MYO16: variants seen among roughly 807,000 people sequenced by gnomAD.
MYO16 encodes myosin XVI, also known as unconventional myosin-XVI.
In MYO16, 94 loss-of-function variants were observed where a neutral mutation model predicts 205.3. The observed-to-expected ratio is 0.46, with a 90% CI of 0.39 to 0.54. The LOEUF is 0.54. Among genes scored for constraint, MYO16 ranks in the 20% least tolerant of loss-of-function variants. MYO16 has a pLI of 0.00. For synonymous variants in MYO16, 988 were observed against 954.0 expected (o/e 1.04, Z -0.66); for missense variants, 2,315 against 2,387.5 (o/e 0.97, Z 0.63).
At chr13:109,118,960 T>G (rs1875854348) in intron 28 of MYO16, among the ~76,000 whole-genome samples, 2 of 152,184 alleles carry the variant, frequency 1.3e-5, no homozygotes, top group Admixed American at 1.3e-4. Flanking sequence ...GGCTTTGAAG[T>G]AGACCAGTAG....
At chr13:109,173,427 G>A (rs1222529801) in intron 33 of MYO16, among the ~76,000 whole-genome samples, 1 of 152,194 alleles carries the variant, frequency 6.6e-6, no homozygotes, top group Non-Finnish European at 1.5e-5. Context: ...CATAGAGAAG[G>A]TTGGGATTTT....
chr13:108,535,699 G>A, the MYO16 span, among the ~76,000 whole-genome samples: 1 of 152,128 alleles, frequency 6.6e-6, no homozygotes, highest in African/African-American at 2.4e-5. Context: ...AAAAAGTAAT[G>A]GAATATGTAG....
intron 29 of MYO16, among the ~76,000 whole-genome samples, chr13:109,121,556 T>C (rs954819509): frequency 1.3e-5 from 2 of 152,232 alleles, no homozygotes; most frequent in Non-Finnish European, 2.9e-5. Flanking sequence ...TGGAGTCTCA[T>C]TGTTCTCTCA....
chr13:109,032,167 A>T (rs1453215216), intron 23 of MYO16, among the ~76,000 whole-genome samples: 1 of 152,074 alleles, frequency 6.6e-6, no homozygotes, highest in Admixed American at 6.6e-5. Context: ...TTTGGGGTTG[A>T]TTCCACATAG....
chr13:108,523,614 G>T, the MYO16 span, among the ~76,000 whole-genome samples: 1 of 152,114 alleles, frequency 6.6e-6, no homozygotes, highest in Non-Finnish European at 1.5e-5. Flanking sequence ...AACCTGGCCT[G>T]AGCCTCCCTT....
chr13:108,879,784 C>T (rs938439422), intron 12 of MYO16, among the ~76,000 whole-genome samples: 2 of 152,160 alleles, frequency 1.3e-5, no homozygotes, highest in Admixed American at 1.3e-4. Flanking sequence ...GGGTTGATTC[C>T]AAGTCTTTGC....
chr13:108,940,946 T>C (rs1882698469), intron 16 of MYO16, among the ~76,000 whole-genome samples: 3 of 152,192 alleles, frequency 2.0e-5, no homozygotes, highest in Admixed American at 2.0e-4. Flanking sequence ...AAAATTTGCT[T>C]TGAGTCAAGG....
chr13:108,613,501 C>A (rs1304790410), intron 1 of MYO16, among the ~76,000 whole-genome samples: 1 of 152,058 alleles, frequency 6.6e-6, no homozygotes, highest in Non-Finnish European at 1.5e-5. Flanking sequence ...AGGAACACTT[C>A]CCAATCACTC....
At chr13:108,834,929 G>A (rs936811333) in intron 9 of MYO16, among the ~76,000 whole-genome samples, 1 of 151,766 alleles carries the variant, frequency 6.6e-6, no homozygotes, top group African/African-American at 2.4e-5. Flanking sequence ...AGATAAAAAT[G>A]TTTTATTGTT....
intron 22 of MYO16, among the ~76,000 whole-genome samples, chr13:109,013,208 C>T (rs1885676773): frequency 6.8e-6 from 1 of 147,422 alleles, no homozygotes; most frequent in African/African-American, 2.5e-5. Context: ...TGAGTGAGAA[C>T]ATGCGGTGTT....
rs1244314191 is a variant in MYO16 at position 108,665,930 on chromosome 13, A to C, written c.73A>C (p.Ile25Leu). The C allele has an allele frequency of 1.2e-6, 2 of 1,613,984 alleles. No individual in the cohort carries two copies. Among genetic ancestry groups the C allele is most frequent in the Non-Finnish European group, 1.7e-6 (2 of 1,179,976 alleles). The change falls in exon 2 of 35, where the codon ATC (isoleucine) becomes CTC (leucine). Residue 25 changes from isoleucine (I) to leucine (L), a missense_variant. By Grantham distance (5) the Ile-to-Leu change is conservative. Around this residue, in one of 3 missense-constraint regions of MYO16, gnomAD observed 1,213 missense variants for 1,274.4 expected, o/e 0.95. Coordinates refer to ENST00000457511, the MANE Select transcript of MYO16 (RefSeq NM_001198950.3). ...CNVFRSHEME[I>L]DQCLLESLPL... ...CGTTTTTCGATCCCATGAGATGGAA[A>C]TCGACCAGTGCTTGCTAGAGTCCCT... is the stretch of plus-strand genomic sequence containing the variant.
At chr13:108,638,560 A>G (rs1386873811) in intron 1 of MYO16, among the ~76,000 whole-genome samples, 1 of 151,874 alleles carries the variant, frequency 6.6e-6, no homozygotes. Context: ...ACCACCTCTA[A>G]CTTCTTAACC....
intron 24 of MYO16, among the ~76,000 whole-genome samples, chr13:109,051,914 G>T (rs1191097642): frequency 2.0e-5 from 3 of 152,044 alleles, no homozygotes; most frequent in African/African-American, 7.2e-5. Context: ...ACATTTTCCT[G>T]AGTAGTTATT....
chr13:108,901,569 G>A (rs993559410), intron 15 of MYO16, among the ~76,000 whole-genome samples: 1 of 152,154 alleles, frequency 6.6e-6, no homozygotes, highest in African/African-American at 2.4e-5. Flanking sequence ...CTTGCGTAGG[G>A]TTTATTTTTC....
chr13:108,994,116 A>T (rs1884927316), intron 21 of MYO16, among the ~76,000 whole-genome samples: 1 of 152,142 alleles, frequency 6.6e-6, no homozygotes, highest in South Asian at 2.1e-4. Context: ...TAAATCCCTT[A>T]TTAGTCCTTC....
At chr13:108,587,706 T>C in the MYO16 span, among the ~76,000 whole-genome samples, 5 of 152,096 alleles carry the variant, frequency 3.3e-5, no homozygotes, top group Non-Finnish European at 7.4e-5. Context: ...ATTATACATA[T>C]ATAACCAACA....
intron 27 of MYO16, among the ~76,000 whole-genome samples, chr13:109,074,708 A>G (rs1888034234): frequency 6.6e-6 from 1 of 151,930 alleles, no homozygotes; most frequent in African/African-American, 2.4e-5. Flanking sequence ...CACTTACACC[A>G]TCAGATCTCA....
Position 108,866,173 on chromosome 13 carries a change from A to G in MYO16, c.1360-4A>G, listed in dbSNP as rs766407899. 8 of 1,596,736 alleles carry G rather than the reference A, an allele frequency of 5.0e-6. No homozygotes were observed. Among genetic ancestry groups the G allele is most frequent in the Non-Finnish European group, 6.8e-6 (8 of 1,169,474 alleles). On this transcript the variant is annotated splice_polypyrimidine_tract_variant and splice_region_variant and intron_variant, in intron 11 of 34. Coordinates refer to ENST00000457511, the MANE Select transcript of MYO16 (RefSeq NM_001198950.3). ...ATGAACTGTTTGCATCCCTTTTTTCACAGACATTCATTGGAGACATTCTTT... is the reference window on the plus strand; with the variant it reads ...ATGAACTGTTTGCATCCCTTTTTTCGCAGACATTCATTGGAGACATTCTTT...
chr13:109,204,707 C>T (rs2139979431), intron 34 of MYO16, among the ~76,000 whole-genome samples: 1 of 152,282 alleles, frequency 6.6e-6, no homozygotes, highest in Admixed American at 6.5e-5. Flanking sequence ...CAAATGGAAA[C>T]ACATCCCATG....
Sources: gnomAD v4.1 joint callset for allele counts (sites outside exome capture counted in the v4.1 genomes callset) on GRCh38, gnomAD v4.1.1 for gene constraint, gnomAD v4.1.1 regional missense constraint, MANE v1.5 for transcripts, NCBI Gene and HGNC (gene_info 2026-07-23, HGNC 2026-07-21) for gene names.